The following MPRIP variants were observed in gnomAD, a reference collection of about 807,000 sequenced individuals.
The protein encoded by MPRIP is myosin phosphatase Rho interacting protein.
A neutral mutation model predicts 234.9 loss-of-function variants in MPRIP; 59 were observed. The ratio of observed to expected loss-of-function variants is 0.25; its 90% confidence interval spans 0.20 to 0.31. The LOEUF is 0.31. MPRIP is among the 10% of genes least tolerant of loss of function. The pLI is 1.00. For missense variants in MPRIP, 2,436 were observed against 3,071.0 expected (o/e 0.79, Z 4.89); for synonymous variants, 1,144 against 1,263.9 (o/e 0.91, Z 2.01).
At chr17:17,089,590 T>C (rs2144131887) in intron 3 of MPRIP, among the ~76,000 whole-genome samples, 1 of 152,216 alleles carries the variant, frequency 6.6e-6, no homozygotes, top group East Asian at 1.9e-4. Context: ...ACCTGAGCCT[T>C]TCGAGTATCT....
intron 8 of MPRIP, 57 bp from the exon 9 acceptor site, chr17:17,143,499 C>T (rs2057862361): frequency 5.8e-6 from 7 of 1,198,684 alleles, no homozygotes; most frequent in Non-Finnish European, 8.1e-6. Flanking sequence ...CCAGCTCGTC[C>T]CTCACATGCC....
intron 1 of MPRIP, chr17:17,057,945 C>T (rs886255696): frequency 1.1e-5 from 5 of 465,940 alleles, no homozygotes; most frequent in African/African-American, 3.9e-5. Flanking sequence ...AATGAATGCT[C>T]GTGAACCTGC....
intron 2 of MPRIP, chr17:17,076,194 G>A (rs1365797869): frequency 6.2e-6 from 1 of 161,222 alleles, no homozygotes; most frequent in Non-Finnish European, 1.3e-5. Context: ...GTGAAGGGTT[G>A]GGGGCCCAGA....
intron 1 of MPRIP, among the ~76,000 whole-genome samples, chr17:17,060,754 A>G (rs1295384758): frequency 6.6e-6 from 1 of 152,078 alleles, no homozygotes; most frequent in Non-Finnish European, 1.5e-5. Context: ...GGTCCTGATG[A>G]TGTTGAAACA....
In MPRIP at chr17:17,171,977, A is replaced by G. The variant is rs544975031; in HGVS notation, c.6472+112A>G. 27 of 1,248,244 alleles carry G rather than the reference A, an allele frequency of 2.2e-5. No homozygotes were observed. In the African/African-American group the frequency reaches 3.6e-4, roughly 17 times the overall value. The allele number at this position is 1,248,244 out of a possible 1,614,324, so 77.3% of individuals were successfully genotyped here. On this transcript the variant is annotated intron_variant, in intron 17 of 23. Transcript: ENST00000651222. ...AAATTGCCTTTTGGCTGAGATGTAA[A>G]CTTCATTGTTGAAGGGTTCTTTGAC...
At chr17:17,170,295 C>T (rs996302789) in intron 16 of MPRIP, 2 of 151,930 alleles carry the variant, frequency 1.3e-5, no homozygotes, top group African/African-American at 4.8e-5. Context: ...AAGAGCTCAA[C>T]CTTGGGGCCT....
chr17:17,176,491 T>G lies in MPRIP; in HGVS notation c.6936T>G (p.Asp2312Glu). The change falls in exon 21 of 24, where the codon GAT (aspartate) becomes GAG (glutamate). Residue 2312 changes from aspartate (D) to glutamate (E), a missense_variant. Physicochemically the swap from Asp to Glu is conservative, Grantham distance 45. Transcript: ENST00000651222. ...AACAGGAGATTAGCTCCCTCAAGGA[T>G]GAGCTGCAGACGGCACTGCGGGTAA... The part of the protein sequence containing the change: ...YLKQEISSLK[D>E]ELQTALRDKK... The G allele has an allele frequency of 1.2e-6, 2 of 1,614,100 alleles. No individual in the cohort carries two copies. Among genetic ancestry groups the G allele is most frequent in the Non-Finnish European group, 1.7e-6 (2 of 1,179,976 alleles).
intron 16 of MPRIP, chr17:17,168,842 A>G (rs762827264): frequency 4.4e-6 from 2 of 456,868 alleles, no homozygotes; most frequent in South Asian, 1.5e-5. Flanking sequence ...CCAGGCGCGC[A>G]CACAGCCAGC....
At chr17:17,180,382 C>T (rs188831223) in intron 23 of MPRIP, among the ~76,000 whole-genome samples, 35 of 152,366 alleles carry the variant, frequency 2.3e-4, no homozygotes, top group Non-Finnish European at 4.6e-4. Flanking sequence ...TCATGTCGGC[C>T]TGCTGTCAGC....
intron 14 of MPRIP, among the ~76,000 whole-genome samples, chr17:17,160,363 T>C (rs2045836165): frequency 6.6e-6 from 1 of 151,782 alleles, no homozygotes; most frequent in African/African-American, 2.4e-5. Context: ...AGAGTCCATC[T>C]CAAAAAAAAT....
chr17:17,181,266 G>A (rs2144713336), intron 23 of MPRIP, among the ~76,000 whole-genome samples: 1 of 152,306 alleles, frequency 6.6e-6, no homozygotes. Context: ...AGGAGGTGGG[G>A]GAGGGCCCAT....
chr17:17,115,878 T>G lies in MPRIP; in HGVS notation c.268-10824T>G, dbSNP rs374739544. ...GTGCTGATCATGCAAAGGCCATTCC[T>G]CAGGGGCCTGCATCTCTTTCCAGAC... is the stretch of plus-strand genomic sequence containing the variant. On this transcript the variant is annotated intron_variant, in intron 3 of 23. Transcript: ENST00000651222. 1.1e-4 allele frequency among the ~76,000 whole-genome samples: 17 copies of G among 152,310 alleles called. No homozygotes were observed. The South Asian group carries it at 1.2e-3, about 11-fold the overall frequency.
chr17:17,143,666 G>A lies in MPRIP; in HGVS notation c.1500G>A (p.Val500=), dbSNP rs879851308. 1.4e-5 allele frequency: 22 copies of A among 1,596,504 alleles called. No individual in the cohort carries two copies. The highest frequency in any genetic ancestry group is 1.8e-5 in the Non-Finnish European group (21 of 1,170,704). ...ACAGGAGGTCCACGGAGCCCTCCGTGACGGTGAGCCCAGGCGCCGCGTCCT... is the reference window on the plus strand; with the variant it reads ...ACAGGAGGTCCACGGAGCCCTCCGTAACGGTGAGCCCAGGCGCCGCGTCCT... ...SLDRRSTEPS[V]TPDLLNFKKG... The change falls in exon 9 of 24, where the codon GTG becomes GTA. Residue 500 remains valine, a synonymous_variant. Coordinates refer to ENST00000651222, the MANE Select transcript of MPRIP (RefSeq NM_001364716.4).
chr17:17,160,872 A>G (rs764328049), intron 14 of MPRIP, among the ~76,000 whole-genome samples: 1 of 152,168 alleles, frequency 6.6e-6, no homozygotes, highest in East Asian at 1.9e-4. Flanking sequence ...CTTGTTCCCC[A>G]GTGGACACAT....
At position 17,166,407 on chromosome 17, in the gene MPRIP, G is replaced by A. The variant is rs2045998033; in HGVS notation, c.4816G>A (p.Glu1606Lys). The change falls in exon 16 of 24, where the codon GAA becomes AAA. Residue 1606 changes from glutamate (E) to lysine (K), a missense_variant. Coordinates refer to ENST00000651222, the MANE Select transcript of MPRIP (RefSeq NM_001364716.4). This position sits in a 1 kb window ranked among gnomAD's most constrained non-coding sequence, Gnocchi z 4.4. ...EISWSGQPPMESAGAPVDTWA... is the reference protein window; with the variant it reads ...EISWSGQPPMKSAGAPVDTWA... ...TTCTTGGTCAGGACAGCCACCGATG[G>A]AATCTGCTGGGGCCCCCGTAGACAC... 3.8e-6 allele frequency: 5 copies of A among 1,304,490 alleles called. No homozygotes were observed. In the South Asian group the frequency reaches 4.9e-5, roughly 13 times the overall value. The allele number at this position is 1,304,490 out of a possible 1,614,324, so 80.8% of individuals were successfully genotyped here.
At chr17:17,179,946 C>T in intron 22 of MPRIP, 57 bp from the exon 23 acceptor site, 1 of 1,400,338 alleles carries the variant, frequency 7.1e-7, no homozygotes, top group Non-Finnish European at 9.9e-7. Context: ...AGTCTGGTTC[C>T]AGAGGGTTTT....
chr17:17,164,251 A>AGGC lies in MPRIP; in HGVS notation c.2661_2663dup (p.Ala888dup). On this transcript the variant is annotated inframe_insertion, in exon 16 of 24. Transcript: ENST00000651222. Reference sequence around the variant, plus strand: ...CAGACCCTGAAGCGTAGCTATGGGGAGGCCAAGGACACGATCCGGCACCAC... The same window carrying AGGC: ...CAGACCCTGAAGCGTAGCTATGGGGAGGCGGCCAAGGACACGATCCGGCACCAC... The AGGC allele has an allele frequency of 4.6e-6, 6 of 1,304,306 alleles. No homozygotes were observed. The highest frequency in any genetic ancestry group is 6.1e-6 in the Non-Finnish European group (6 of 988,996). 80.8% of individuals were successfully genotyped at this position (1,304,306 alleles called of 1,614,324 possible). A position where few individuals can be genotyped will look rare whatever the true frequency, so the allele number is the denominator to read the frequency against.
chr17:17,130,253 A>G (rs2090569563), intron 4 of MPRIP, among the ~76,000 whole-genome samples: 1 of 151,670 alleles, frequency 6.6e-6, no homozygotes, highest in Non-Finnish European at 1.5e-5. Flanking sequence ...TGCCGCCACC[A>G]CCTGTCAACA....
At chr17:17,149,800 T>C (rs2045559597) in intron 11 of MPRIP, 1 of 151,586 alleles carries the variant, frequency 6.6e-6, no homozygotes, top group East Asian at 1.9e-4. Context: ...AATATTTACA[T>C]TTTAATTTCT....
Sources: gnomAD v4.1 joint callset for allele counts (sites outside exome capture counted in the v4.1 genomes callset) on GRCh38, gnomAD v4.1.1 for gene constraint, Gnocchi (gnomAD v3.1) non-coding constraint, MANE v1.5 for transcripts, NCBI Gene and HGNC (gene_info 2026-07-23, HGNC 2026-07-21) for gene names.